SMC6: variants seen among roughly 807,000 people sequenced by gnomAD.
The protein encoded by SMC6 is structural maintenance of chromosomes 6, also known as structural maintenance of chromosomes protein 6.
SMC6 carries 79 observed loss-of-function variants against 142.2 expected under a neutral mutation model. The ratio of observed to expected loss-of-function variants is 0.56; its 90% CI spans 0.46 to 0.67. The LOEUF (loss-of-function observed/expected upper bound fraction) is 0.67. SMC6 is among the 30% of genes least tolerant of loss of function. SMC6 has a pLI of 0.00. For missense variants in SMC6, 1,072 were observed against 1,284.0 expected (o/e 0.83, Z 2.52); for synonymous variants, 411 against 412.4 (o/e 1.00, Z 0.04).
chr2:17,751,857 T>C (rs957116361), intron 2 of SMC6, among the ~76,000 whole-genome samples: 1 of 152,238 alleles, frequency 6.6e-6, no homozygotes, highest in African/African-American at 2.4e-5. Flanking sequence ...CAAGTACAGC[T>C]TTAATTATTT....
In SMC6 at chr2:17,707,341, C is replaced by T. The variant is rs751565054; in HGVS notation, c.1884G>A (p.Lys628=). 9.4e-6 allele frequency: 15 copies of T among 1,598,546 alleles called. No individual in the cohort carries two copies. The East Asian group carries it at 3.0e-4, about 32-fold the overall frequency. ...AAGCTTCTCTACAATTTTTGGGTGG[C>T]TTTTGGGACTGCATTACTGCACGAG... is the stretch of plus-strand genomic sequence containing the variant. ...SVARAVMQSQ[K]PPKNCREAFT... is the part of the protein sequence containing the mutation. Residue 628 remains lysine, a synonymous_variant, in exon 18 of 28, where the codon AAG becomes AAA. Coordinates refer to ENST00000448223, the MANE Select transcript of SMC6 (RefSeq NM_001142286.2).
intron 8 of SMC6, 88 bp downstream of exon 8, chr2:17,726,301 C>T: frequency 1.1e-6 from 1 of 944,180 alleles, no homozygotes; most frequent in Non-Finnish European, 1.5e-6. Context: ...AAAAACTCAG[C>T]CTCCATTATG....
chr2:17,747,363 C>T (rs927510413), intron 2 of SMC6, among the ~76,000 whole-genome samples: 1 of 152,166 alleles, frequency 6.6e-6, no homozygotes, highest in Non-Finnish European at 1.5e-5. Context: ...ATCTGAGTCT[C>T]TTTGTCCGCA....
At chr2:17,731,942 C>A in intron 5 of SMC6, 65 bp from the exon 6 acceptor site, 1 of 1,508,540 alleles carries the variant, frequency 6.6e-7, no homozygotes, top group Non-Finnish European at 8.9e-7. Context: ...TAGGTTGCCA[C>A]AGTTTTCAAA....
chr2:17,749,711 C>A (rs1029132244), intron 2 of SMC6, among the ~76,000 whole-genome samples: 1 of 151,872 alleles, frequency 6.6e-6, no homozygotes, highest in African/African-American at 2.4e-5. Context: ...AAATTAATAA[C>A]CAAGAGTTCA....
intron 16 of SMC6, among the ~76,000 whole-genome samples, chr2:17,711,170 T>C (rs1668808476): frequency 6.6e-6 from 1 of 152,172 alleles, no homozygotes; most frequent in Admixed American, 6.5e-5. Flanking sequence ...TACATGAAGC[T>C]GTTACTACCA....
intron 23 of SMC6, among the ~76,000 whole-genome samples, chr2:17,690,831 G>C (rs1360120712): frequency 6.6e-6 from 1 of 151,664 alleles, no homozygotes; most frequent in Admixed American, 6.6e-5. Context: ...TCAGAAAAAA[G>C]AATCTAAGAA....
At chr2:17,751,337 A>G (rs1572374533) in intron 2 of SMC6, among the ~76,000 whole-genome samples, 1 of 151,012 alleles carries the variant, frequency 6.6e-6, no homozygotes, top group East Asian at 2.0e-4. Context: ...AAAATTAGCC[A>G]AGTGTGGTGG....
At chr2:17,672,189 T>A (rs1341117857) in intron 25 of SMC6, among the ~76,000 whole-genome samples, 1 of 152,120 alleles carries the variant, frequency 6.6e-6, no homozygotes, top group Admixed American at 6.5e-5. Context: ...ACCAATTTAA[T>A]AAATGAAGCC....
At chr2:17,670,898 T>A (rs1666727958) in intron 25 of SMC6, among the ~76,000 whole-genome samples, 1 of 152,130 alleles carries the variant, frequency 6.6e-6, no homozygotes, top group South Asian at 2.1e-4. Flanking sequence ...TCTCGCTCTG[T>A]TGAACCAGGC....
At chr2:17,715,180 A>T in intron 15 of SMC6, 115 bp from the exon 16 acceptor site, 1 of 950,068 alleles carries the variant, frequency 1.1e-6, no homozygotes, top group Non-Finnish European at 1.6e-6. Context: ...AAGCAGTTTA[A>T]ATGACTTTAC....
chr2:17,745,401 T>C (rs1419472878), intron 3 of SMC6, among the ~76,000 whole-genome samples: 1 of 152,214 alleles, frequency 6.6e-6, no homozygotes, highest in African/African-American at 2.4e-5. Context: ...GATGATCTAT[T>C]TCGTACTGGG....
intron 7 of SMC6, among the ~76,000 whole-genome samples, chr2:17,727,298 A>C (rs1669678078): frequency 6.6e-6 from 1 of 152,124 alleles, no homozygotes; most frequent in Non-Finnish European, 1.5e-5. Context: ...TTGGAATATA[A>C]AGCAGGCGGA....
At chr2:17,685,128 G>GAA (rs60207604) in intron 23 of SMC6, among the ~76,000 whole-genome samples, 71,491 of 143,054 alleles carry the variant, frequency 0.5, 19,783 homozygotes, top group African/African-American at 0.75. Flanking sequence ...CAAGCAAAAT[G>GAA]AAAAAAAAAG....
At chr2:17,734,852 C>T (rs776593929) in intron 5 of SMC6, among the ~76,000 whole-genome samples, 1 of 152,138 alleles carries the variant, frequency 6.6e-6, no homozygotes, top group Non-Finnish European at 1.5e-5. Flanking sequence ...CTGCCTCAGC[C>T]TCCCCAATAG....
intron 2 of SMC6, among the ~76,000 whole-genome samples, chr2:17,751,448 A>G (rs145615516): frequency 6.7e-6 from 1 of 150,322 alleles, no homozygotes; most frequent in Admixed American, 6.6e-5. Flanking sequence ...CGGCGACAAG[A>G]GTAAAACTCT....
In SMC6 at chr2:17,707,205, A is replaced by T. The variant is rs757500812; in HGVS notation, c.2006+14T>A. On this transcript the variant is annotated intron_variant, in intron 18 of 27. Transcript: ENST00000448223. ...CAGTGGGAATGATACAGTAAAGCTA[A>T]ACTTGACTCTAACCTTATTTCAGAA... 2 of 1,528,670 alleles carry T rather than the reference A, an allele frequency of 1.3e-6. No homozygotes were observed. Among genetic ancestry groups the T allele is most frequent in the Non-Finnish European group, 1.8e-6 (2 of 1,139,344 alleles). 94.7% of individuals were successfully genotyped at this position (1,528,670 alleles called of 1,614,324 possible). A position where few individuals can be genotyped will look rare whatever the true frequency, so the allele number is the denominator to read the frequency against.
At chr2:17,747,163 C>T (rs547825507) in intron 2 of SMC6, among the ~76,000 whole-genome samples, 13 of 152,132 alleles carry the variant, frequency 8.5e-5, no homozygotes, top group Non-Finnish European at 1.5e-4. Flanking sequence ...GGAAGTAATA[C>T]GGTGTTACTT....
intron 16 of SMC6, chr2:17,713,542 C>T (rs1321541339): frequency 4.2e-6 from 2 of 471,050 alleles, no homozygotes; most frequent in Middle Eastern, 3.3e-4. Flanking sequence ...GTTCACAGAG[C>T]AGGCCCCACC....
Sources: gnomAD v4.1 joint callset for allele counts (sites outside exome capture counted in the v4.1 genomes callset) on GRCh38, gnomAD v4.1.1 for gene constraint, MANE v1.5 for transcripts, NCBI Gene and HGNC (gene_info 2026-07-23, HGNC 2026-07-21) for gene names.